Variants in ARHGAP32 observed in about 807,000 individuals in gnomAD.
The protein encoded by ARHGAP32 is Rho GTPase activating protein 32.
ARHGAP32 carries 51 observed loss-of-function variants against 186.5 expected under a neutral mutation model. The observed-to-expected ratio is 0.27, with a 90% CI of 0.22 to 0.35. The LOEUF (loss-of-function observed/expected upper bound fraction) is 0.35. ARHGAP32 is among the 10% of genes least tolerant of loss of function. The pLI, the probability that ARHGAP32 is intolerant of heterozygous loss-of-function variation, is 1.00. For synonymous variants in ARHGAP32, 950 were observed against 964.3 expected (o/e 0.99, Z 0.27); for missense variants, 2,186 against 2,623.5 (o/e 0.83, Z 3.64).
intron 11 of ARHGAP32, among the ~76,000 whole-genome samples, chr11:129,009,523 G>GT (rs1295262507): frequency 1.3e-5 from 2 of 152,076 alleles, no homozygotes; most frequent in Non-Finnish European, 2.9e-5. Context: ...ACTGTGTGTT[G>GT]TTCCCCCCAT....
intron 2 of ARHGAP32, among the ~76,000 whole-genome samples, chr11:129,139,796 T>C (rs1333351254): frequency 6.6e-6 from 1 of 152,188 alleles, no homozygotes; most frequent in Non-Finnish European, 1.5e-5. Flanking sequence ...GTCTCGAATA[T>C]GTCTTTATCA....
chr11:129,127,106 T>C (rs1942680133), intron 2 of ARHGAP32, among the ~76,000 whole-genome samples: 1 of 152,222 alleles, frequency 6.6e-6, no homozygotes, highest in Admixed American at 6.5e-5. Context: ...ACAAGCTCTT[T>C]GTGCTAGCTG....
At chr11:129,060,289 A>G (rs1165544764) in intron 10 of ARHGAP32, among the ~76,000 whole-genome samples, 1 of 152,150 alleles carries the variant, frequency 6.6e-6, no homozygotes, top group East Asian at 1.9e-4. Context: ...GATTTTAAGA[A>G]GAAACTCAAA....
rs574245214 is a variant in ARHGAP32 at position 129,166,547 on chromosome 11, T to G, written c.117-2120A>C. ...AAAGTTGACTTCCAATAAGCAATAA[T>G]TACAATGGGAGAAGACATTTCAATG... On this transcript the variant is annotated intron_variant, in intron 1 of 22. Coordinates refer to ENST00000682385, the MANE Select transcript of ARHGAP32 (RefSeq NM_001378024.1). 1.2e-3 allele frequency among the ~76,000 whole-genome samples: 178 copies of G among 151,900 alleles called. 1 individual carries two copies. Among genetic ancestry groups the G allele is most frequent in the Middle Eastern group, 3.4e-3 (1 of 294 alleles).
At chr11:129,092,933 G>C (rs1023942240) in intron 6 of ARHGAP32, among the ~76,000 whole-genome samples, 7 of 152,016 alleles carry the variant, frequency 4.6e-5, no homozygotes, top group African/African-American at 1.7e-4. Context: ...TAGAATAAGT[G>C]AATAAAAGAA....
chr11:129,117,930 A>G (rs1343157797), intron 5 of ARHGAP32, among the ~76,000 whole-genome samples: 2 of 152,072 alleles, frequency 1.3e-5, no homozygotes, highest in Non-Finnish European at 2.9e-5. Context: ...GCAGAATAAT[A>G]CAACAGGGAA....
At chr11:129,237,078 C>T (rs1309830894) in intron 1 of ARHGAP32, among the ~76,000 whole-genome samples, 2 of 152,084 alleles carry the variant, frequency 1.3e-5, no homozygotes, top group Non-Finnish European at 2.9e-5. Context: ...TTAAACCATC[C>T]CTGCATTCCC....
intron 1 of ARHGAP32, among the ~76,000 whole-genome samples, chr11:129,268,695 AGG>A (rs1945437494): frequency 7.4e-6 from 1 of 136,054 alleles, no homozygotes; most frequent in Non-Finnish European, 1.6e-5. Context: ...AAAAAAAAAA[AGG>A]TGAATTCCTC....
intron 6 of ARHGAP32, among the ~76,000 whole-genome samples, chr11:129,069,339 A>C (rs963220411): frequency 8.5e-5 from 13 of 152,086 alleles, no homozygotes; most frequent in African/African-American, 3.1e-4. Flanking sequence ...AGTGCTTAGT[A>C]GTAGGCAGAT....
At chr11:128,978,384 TA>T (rs956964383) in intron 19 of ARHGAP32, among the ~76,000 whole-genome samples, 7 of 152,192 alleles carry the variant, frequency 4.6e-5, no homozygotes, top group African/African-American at 7.2e-5. Flanking sequence ...CTTCTTTAGT[TA>T]AAAGAGTTAT....
rs577682362 is a variant in ARHGAP32, at chr11:129,218,433, TC to T, written c.-4-54007del. 1.8e-4 allele frequency among the ~76,000 whole-genome samples: 22 copies of T among 123,172 alleles called. No homozygotes were observed. In the East Asian group the frequency reaches 4.6e-3, roughly 26 times the overall value. 80.8% of individuals were successfully genotyped at this position (123,172 alleles called of 152,430 possible). ...CCCTACACCTTCAATGCATTCCATC[TC>T]CCACTGCAGCTAATCTCACACACAC... On this transcript the variant is annotated intron_variant, in intron 1 of 6. Coordinates refer to the ARHGAP32 transcript ENST00000525234.
chr11:129,251,829 G>C (rs1011871631), intron 1 of ARHGAP32, among the ~76,000 whole-genome samples: 1 of 151,628 alleles, frequency 6.6e-6, no homozygotes, highest in Non-Finnish European at 1.5e-5. Flanking sequence ...AGCTACTCGG[G>C]GAGGCTGATG....
intron 1 of ARHGAP32, among the ~76,000 whole-genome samples, chr11:129,218,590 T>C (rs761147418): frequency 4.6e-5 from 7 of 152,086 alleles, no homozygotes; most frequent in Non-Finnish European, 8.8e-5. Flanking sequence ...GTCAGAACTA[T>C]AAAAGGAGGC....
At chr11:129,188,856 A>G (rs1370704489) in intron 1 of ARHGAP32, among the ~76,000 whole-genome samples, 2 of 152,206 alleles carry the variant, frequency 1.3e-5, no homozygotes, top group East Asian at 3.8e-4. Flanking sequence ...ATTAAGCACT[A>G]TATCATCTCT....
chr11:129,130,748 T>C (rs1942791199), intron 2 of ARHGAP32, among the ~76,000 whole-genome samples: 1 of 152,186 alleles, frequency 6.6e-6, no homozygotes, highest in South Asian at 2.1e-4. Context: ...GGTTAGAGTA[T>C]ACAACAGCAT....
At chr11:129,116,443 A>C (rs1398249056) in intron 5 of ARHGAP32, among the ~76,000 whole-genome samples, 3 of 152,040 alleles carry the variant, frequency 2.0e-5, no homozygotes, top group Non-Finnish European at 4.4e-5. Flanking sequence ...CTGAAAGGAC[A>C]ATGATTTCCT....
intron 2 of ARHGAP32, among the ~76,000 whole-genome samples, chr11:129,154,386 A>G (rs970747231): frequency 3.3e-5 from 5 of 152,154 alleles, no homozygotes; most frequent in East Asian, 3.9e-4. Flanking sequence ...CTGGATCTCT[A>G]CCCAGAAGAA....
chr11:129,137,568 T>G (rs1439978216), intron 2 of ARHGAP32, among the ~76,000 whole-genome samples: 19 of 150,792 alleles, frequency 1.3e-4, no homozygotes, highest in Non-Finnish European at 2.9e-5. Context: ...ACAAACTGTT[T>G]GGGAATAGTG....
intron 1 of ARHGAP32, among the ~76,000 whole-genome samples, chr11:129,167,095 A>G (rs1052059777): frequency 2.6e-5 from 4 of 152,186 alleles, no homozygotes; most frequent in Admixed American, 1.3e-4. Flanking sequence ...TAAAACATAC[A>G]TATTAATCTA....
Sources: allele counts gnomAD v4.1 joint callset (sites outside exome capture counted in the v4.1 genomes callset), GRCh38; gene constraint gnomAD v4.1.1; transcripts MANE v1.5; gene names NCBI Gene and HGNC (gene_info 2026-07-23, HGNC 2026-07-21).